Variants in GLMN observed in about 807,000 individuals in gnomAD.
GLMN encodes glomulin, FKBP associated protein, also known as glomulin.
In GLMN, 75 loss-of-function variants were observed where a neutral mutation model predicts 87.8. The observed-to-expected ratio is 0.85, with a 90% CI of 0.71 to 1.04. The LOEUF is 1.04. Among genes scored for constraint, GLMN ranks in the 50% least tolerant of loss-of-function variants. The pLI is 0.00. For missense variants in GLMN, 588 were observed against 658.8 expected, an observed-to-expected ratio of 0.89 and a Z score of 1.18; for synonymous variants, 206 against 221.6, an observed-to-expected ratio of 0.93 and a Z score of 0.63.
At chr1:92,355,426 C>T in the GLMN span, among the ~76,000 whole-genome samples, 1 of 151,878 alleles carries the variant, frequency 6.6e-6, no homozygotes, top group Admixed American at 6.6e-5. Flanking sequence ...TGTTTTCATG[C>T]GATATATCAA....
chr1:92,303,729 A>G (rs2101103886), upstream of GLMN, among the ~76,000 whole-genome samples: 1 of 152,324 alleles, frequency 6.6e-6, no homozygotes, highest in East Asian at 1.9e-4. Flanking sequence ...TATATAATCT[A>G]CAAAGATGCA....
At chr1:92,308,686 G>A in the GLMN span, among the ~76,000 whole-genome samples, 4 of 152,306 alleles carry the variant, frequency 2.6e-5, no homozygotes, top group Non-Finnish European at 5.9e-5. Context: ...CCAGCCTGGT[G>A]TAGTGGCTCA....
chr1:92,366,752 C>T, the GLMN span, among the ~76,000 whole-genome samples: 1 of 151,840 alleles, frequency 6.6e-6, no homozygotes, highest in Non-Finnish European at 1.5e-5. Flanking sequence ...AAGTATATAC[C>T]AGACTTTTTT....
At chr1:92,271,711 C>G (rs957300702) in intron 7 of GLMN, 59 bp from the exon 8 acceptor site, 2 of 1,156,036 alleles carry the variant, frequency 1.7e-6, no homozygotes, top group South Asian at 2.5e-5. Flanking sequence ...CCCCCCACCC[C>G]GTGTATTCAA....
At chr1:92,360,950 T>C in the GLMN span, among the ~76,000 whole-genome samples, 3 of 152,148 alleles carry the variant, frequency 2.0e-5, no homozygotes, top group Non-Finnish European at 2.9e-5. Flanking sequence ...AGCCACTATG[T>C]TTAATTATGG....
the GLMN span, among the ~76,000 whole-genome samples, chr1:92,365,960 A>C: frequency 2.3e-4 from 35 of 152,202 alleles, no homozygotes; most frequent in Admixed American, 2.3e-3. Context: ...GAAAGGTTGA[A>C]GACCAACAAG....
At chr1:92,307,259 G>T in the GLMN span, 1 of 1,609,446 alleles carries the variant, frequency 6.2e-7, no homozygotes, top group Non-Finnish European at 8.5e-7. Flanking sequence ...CTCCAGTATG[G>T]GTTCGAGAAG....
the GLMN span, among the ~76,000 whole-genome samples, chr1:92,368,646 T>C: frequency 5.9e-3 from 905 of 152,320 alleles, 8 homozygotes; most frequent in African/African-American, 0.019. Context: ...AAAATCTCTC[T>C]CTTGATTCAG....
the GLMN span, among the ~76,000 whole-genome samples, chr1:92,353,574 A>T: frequency 1.3e-5 from 2 of 152,192 alleles, no homozygotes; most frequent in Non-Finnish European, 2.9e-5. Context: ...AAATGTCTGA[A>T]CAGTAGCTAC....
chr1:92,246,972 A>G (rs900051741), intron 18 of GLMN, 90 bp downstream of exon 18: 4 of 787,580 alleles, frequency 5.1e-6, no homozygotes, highest in Non-Finnish European at 9.1e-6. Flanking sequence ...GCAGTGAGCC[A>G]CAATCATGCC....
At chr1:92,291,349 A>T (rs1649378797) in intron 4 of GLMN, 69 bp downstream of exon 4, 1 of 1,355,488 alleles carries the variant, frequency 7.4e-7, no homozygotes, top group African/African-American at 1.4e-5. Flanking sequence ...ACCAAACAAT[A>T]AACATTAAAG....
chr1:92,323,723 T>C, the GLMN span: 1 of 1,614,118 alleles, frequency 6.2e-7, no homozygotes. Context: ...CAGACAGTAG[T>C]AGATGTCACT....
the GLMN span, among the ~76,000 whole-genome samples, chr1:92,355,838 C>T: frequency 1.3e-5 from 2 of 152,070 alleles, no homozygotes; most frequent in Non-Finnish European, 2.9e-5. Context: ...TGCAAGTATT[C>T]CAAAATTCTA....
intron 3 of GLMN, among the ~76,000 whole-genome samples, chr1:92,293,485 T>A (rs1485510665): frequency 1.3e-5 from 2 of 152,188 alleles, no homozygotes; most frequent in Non-Finnish European, 2.9e-5. Context: ...TTTTGTATTT[T>A]TTTTTTTAGA....
chr1:92,313,968 G>T, the GLMN span, among the ~76,000 whole-genome samples: 1 of 152,134 alleles, frequency 6.6e-6, no homozygotes, highest in Non-Finnish European at 1.5e-5. Flanking sequence ...ACCTCTCTCA[G>T]TCTTCACAGA....
At chr1:92,365,083 A>G in the GLMN span, among the ~76,000 whole-genome samples, 1 of 152,262 alleles carries the variant, frequency 6.6e-6, no homozygotes, top group Admixed American at 6.5e-5. Context: ...ATATCTGCCT[A>G]TTCTAGCCTT....
At position 92,284,613 on chromosome 1, in the gene GLMN, A is replaced by C. The variant is rs184687233; in HGVS notation, c.735+1877T>G. Among the ~76,000 whole-genome samples the C allele has an allele frequency of 1.2e-3, 189 of 152,300 alleles. 3 individuals carry two copies. Among genetic ancestry groups the C allele is most frequent in the African/African-American group, 4.5e-3 (186 of 41,578 alleles). On this transcript the variant is annotated intron_variant, in intron 7 of 18. Coordinates refer to ENST00000370360, the MANE Select transcript of GLMN (RefSeq NM_053274.3). ...AAGGAATGTCAACAAAAGCCAAAAT[A>C]GACAAATGGGATTAATTAAACTAAA...
At chr1:92,299,165 T>C, upstream of GLMN, 1 of 1,466,532 alleles carries the variant, frequency 6.8e-7, no homozygotes, top group Non-Finnish European at 9.1e-7. Context: ...AAGGATCTCT[T>C]CCCACTTTTG....
chr1:92,333,524 A>T, the GLMN span: 1 of 1,246,232 alleles, frequency 8.0e-7, no homozygotes, highest in Non-Finnish European at 1.2e-6. Flanking sequence ...AATTAACTTG[A>T]CATTTAAGCT....
Sources: gnomAD v4.1 joint callset for allele counts (sites outside exome capture counted in the v4.1 genomes callset) on GRCh38, gnomAD v4.1.1 for gene constraint, MANE v1.5 for transcripts, NCBI Gene and HGNC (gene_info 2026-07-23, HGNC 2026-07-21) for gene names.